SYNPR: variants seen among roughly 807,000 people sequenced by gnomAD.
The protein encoded by SYNPR is synaptoporin.
SYNPR carries 23 observed loss-of-function variants against 32.9 expected under a neutral mutation model. The ratio of observed to expected loss-of-function variants is 0.70; its 90% CI spans 0.50 to 0.99. SYNPR has a LOEUF of 0.99. Among genes scored for constraint, SYNPR ranks in the 50% least tolerant of loss-of-function variants. The pLI is 0.00. For synonymous variants in SYNPR, 146 were observed against 135.9 expected, an observed-to-expected ratio of 1.07 and a Z score of -0.52; for missense variants, 318 against 349.3, an observed-to-expected ratio of 0.91 and a Z score of 0.71.
intron 2 of SYNPR, among the ~76,000 whole-genome samples, chr3:63,339,263 C>A (rs984779978): frequency 3.3e-5 from 5 of 152,192 alleles, no homozygotes; most frequent in African/African-American, 1.2e-4. Flanking sequence ...CAAAGAGAGG[C>A]AACATCTCTG....
At chr3:63,251,205 G>T (rs1459673353) in intron 1 of SYNPR, among the ~76,000 whole-genome samples, 1 of 152,060 alleles carries the variant, frequency 6.6e-6, no homozygotes, top group African/African-American at 2.4e-5. Flanking sequence ...AAATAAATAT[G>T]CATGAAATTC....
At chr3:63,512,387 C>T (rs1001896847) in intron 3 of SYNPR, among the ~76,000 whole-genome samples, 18 of 152,096 alleles carry the variant, frequency 1.2e-4, no homozygotes, top group African/African-American at 4.3e-4. Flanking sequence ...AATACACATC[C>T]TAATCCCTAA....
At chr3:63,201,042 T>A in the SYNPR span, among the ~76,000 whole-genome samples, 1 of 152,140 alleles carries the variant, frequency 6.6e-6, no homozygotes, top group African/African-American at 2.4e-5. Context: ...TGGATTAGGT[T>A]CTGAAATTAG....
At chr3:63,220,341 A>T in the SYNPR span, among the ~76,000 whole-genome samples, 4 of 152,228 alleles carry the variant, frequency 2.6e-5, no homozygotes, top group African/African-American at 7.2e-5. Flanking sequence ...GCAAGGAGAA[A>T]GGACTAAGGA....
chr3:63,382,230 C>T (rs959685241), intron 2 of SYNPR, among the ~76,000 whole-genome samples: 5 of 152,302 alleles, frequency 3.3e-5, no homozygotes, highest in Middle Eastern at 3.4e-3. Context: ...ATCCAGGCTC[C>T]CAAGGTGATC....
chr3:63,448,716 C>T (rs1168983856), intron 2 of SYNPR, among the ~76,000 whole-genome samples: 1 of 152,088 alleles, frequency 6.6e-6, no homozygotes, highest in African/African-American at 2.4e-5. Flanking sequence ...GTGCCAGGCA[C>T]CATGCTAGGC....
intron 2 of SYNPR, chr3:63,427,729 T>C (rs1365995975): frequency 6.6e-6 from 1 of 152,266 alleles, no homozygotes; most frequent in Non-Finnish European, 1.5e-5. Context: ...CATACAGAGA[T>C]TCTTGGGCTC....
At chr3:63,516,431 G>A (rs1490054484) in intron 3 of SYNPR, among the ~76,000 whole-genome samples, 1 of 152,076 alleles carries the variant, frequency 6.6e-6, no homozygotes, top group Non-Finnish European at 1.5e-5. Flanking sequence ...AGTACTTCAT[G>A]TTCAAAGAAC....
chr3:63,582,762 C>G (rs1381460222), intron 4 of SYNPR, among the ~76,000 whole-genome samples: 6 of 152,040 alleles, frequency 3.9e-5, no homozygotes, highest in Non-Finnish European at 1.5e-5. Context: ...AATCGGACTG[C>G]ATTTGTGCCC....
chr3:63,258,628 T>C (rs576986156), intron 2 of SYNPR, among the ~76,000 whole-genome samples: 2,004 of 152,112 alleles, frequency 0.013, 41 homozygotes, highest in African/African-American at 0.046. Context: ...AGGAAAGATC[T>C]AAAATTGACA....
At chr3:63,357,710 T>C (rs937124317) in intron 2 of SYNPR, among the ~76,000 whole-genome samples, 5 of 152,150 alleles carry the variant, frequency 3.3e-5, no homozygotes, top group Admixed American at 1.3e-4. Context: ...CTGTGGGCTT[T>C]ATAAAATGCA....
intron 2 of SYNPR, among the ~76,000 whole-genome samples, chr3:63,400,261 G>T (rs189688846): frequency 1.4e-3 from 212 of 152,296 alleles, no homozygotes; most frequent in Middle Eastern, 3.4e-3. Context: ...AAAACATAAA[G>T]ACATAAAACA....
chr3:63,398,247 C>T (rs763116444), intron 2 of SYNPR, among the ~76,000 whole-genome samples: 1 of 152,136 alleles, frequency 6.6e-6, no homozygotes, highest in Non-Finnish European at 1.5e-5. Flanking sequence ...TAAGAGCTGG[C>T]ACTTGGCAGC....
chr3:63,320,594 A>T (rs1320782652), intron 2 of SYNPR, among the ~76,000 whole-genome samples: 1 of 152,092 alleles, frequency 6.6e-6, no homozygotes, highest in Non-Finnish European at 1.5e-5. Context: ...TGTCCACAGA[A>T]ATTAGAAAAT....
chr3:63,487,951 C>T (rs974684936), intron 3 of SYNPR, among the ~76,000 whole-genome samples: 1 of 152,114 alleles, frequency 6.6e-6, no homozygotes, highest in African/African-American at 2.4e-5. Context: ...CATTCCCCCG[C>T]TCATGACTCT....
chr3:63,204,871 A>T, the SYNPR span, among the ~76,000 whole-genome samples: 1 of 152,132 alleles, frequency 6.6e-6, no homozygotes, highest in South Asian at 2.1e-4. Flanking sequence ...TATTTTTAGT[A>T]GAGATGAGGT....
Position 63,278,358 on chromosome 3 carries a change from C to T in SYNPR, c.-176C>T. 2.6e-6 allele frequency: 2 copies of T among 762,016 alleles called. No homozygotes were observed. Among genetic ancestry groups the T allele is most frequent in the Non-Finnish European group, 4.1e-6 (2 of 482,844 alleles). 47.2% of individuals were successfully genotyped at this position (762,016 alleles called of 1,614,324 possible). A position where few individuals can be genotyped will look rare whatever the true frequency, so the allele number is the denominator to read the frequency against. On this transcript the variant is annotated 5_prime_UTR_variant, in exon 1 of 6. Transcript: ENST00000478300. Reference sequence around the variant, plus strand: ...CCCGACGCGCTGGGTTCCCGGAGCGCAGAGCCCAGCGTTAGCGGGTGGGCT... The same window carrying T: ...CCCGACGCGCTGGGTTCCCGGAGCGTAGAGCCCAGCGTTAGCGGGTGGGCT...
chr3:63,386,739 G>T (rs1450773034), intron 2 of SYNPR, among the ~76,000 whole-genome samples: 2 of 152,080 alleles, frequency 1.3e-5, no homozygotes, highest in African/African-American at 4.8e-5. Flanking sequence ...GAGGAGCTGT[G>T]CCTCCAGCCC....
chr3:63,267,798 G>A (rs534116125), intron 3 of SYNPR, among the ~76,000 whole-genome samples: 2 of 152,176 alleles, frequency 1.3e-5, no homozygotes, highest in East Asian at 1.9e-4. Flanking sequence ...CATTTTAAAT[G>A]ACCGTACACC....
Sources: allele counts gnomAD v4.1 joint callset (sites outside exome capture counted in the v4.1 genomes callset), GRCh38; gene constraint gnomAD v4.1.1; transcripts MANE v1.5; gene names NCBI Gene and HGNC (gene_info 2026-07-23, HGNC 2026-07-21).